The following DGKB variants were observed in gnomAD, a reference collection of about 807,000 sequenced individuals.
DGKB encodes 90 kDa diacylglycerol kinase.
In DGKB, 67 loss-of-function variants were observed where a neutral mutation model predicts 114.3. The ratio of observed to expected loss-of-function variants is 0.59; its 90% confidence interval spans 0.48 to 0.72. The LOEUF (loss-of-function observed/expected upper bound fraction) is 0.72. DGKB is among the 30% of genes least tolerant of loss of function. The pLI, the probability that DGKB is intolerant of heterozygous loss-of-function variation, is 0.00. For missense variants in DGKB, 907 were observed against 975.2 expected (o/e 0.93, Z 0.93); for synonymous variants, 398 against 323.1 (o/e 1.23, Z -2.49).
In DGKB at chr7:14,317,389, C is replaced by T. The variant is rs1482722328; in HGVS notation, c.2122+21126G>A. ...ATGATTGTATATCTAGAAAACCCCA[C>T]TGTCTCAGCCCAAAATCTCCTTAAG... On this transcript the variant is annotated intron_variant, in intron 23 of 25. Coordinates refer to ENST00000402815, the MANE Select transcript of DGKB (RefSeq NM_001350709.2). Among the ~76,000 whole-genome samples, 459 of 142,688 alleles carry T rather than the reference C, an allele frequency of 3.2e-3. 4 individuals are homozygous for T. Among genetic ancestry groups the T allele is most frequent in the Non-Finnish European group, 1.9e-3 (122 of 64,970 alleles). The allele number at this position is 142,688 out of a possible 152,430, so 93.6% of individuals were successfully genotyped here.
chr7:14,846,635 C>T (rs1005887447), intron 1 of DGKB, among the ~76,000 whole-genome samples: 6 of 152,178 alleles, frequency 3.9e-5, no homozygotes, highest in Admixed American at 2.0e-4. Flanking sequence ...AGAAGTCTTT[C>T]TTTAGGCACA....
chr7:14,544,747 T>C (rs749430568), intron 20 of DGKB, among the ~76,000 whole-genome samples: 2 of 152,170 alleles, frequency 1.3e-5, no homozygotes, highest in African/African-American at 2.4e-5. Flanking sequence ...ACTTGACATG[T>C]TGTTTTTTGA....
At chr7:14,305,139 T>C (rs896750414) in intron 23 of DGKB, among the ~76,000 whole-genome samples, 1 of 152,154 alleles carries the variant, frequency 6.6e-6, no homozygotes. Flanking sequence ...TGGGGAACAT[T>C]AAAAATCTTC....
chr7:14,549,926 T>C (rs1254017736), intron 20 of DGKB, among the ~76,000 whole-genome samples: 2 of 151,844 alleles, frequency 1.3e-5, no homozygotes, highest in East Asian at 1.9e-4. Flanking sequence ...GAGGTGGAGG[T>C]TGCAGTGAGC....
At chr7:14,312,062 G>A (rs1562903499) in intron 23 of DGKB, among the ~76,000 whole-genome samples, 1 of 151,998 alleles carries the variant, frequency 6.6e-6, no homozygotes, top group East Asian at 1.9e-4. Context: ...GAGATATAAA[G>A]CCATCAAAAT....
intron 1 of DGKB, among the ~76,000 whole-genome samples, chr7:14,884,875 G>A (rs542454567): frequency 2.0e-5 from 3 of 151,936 alleles, no homozygotes; most frequent in Non-Finnish European, 4.4e-5. Context: ...AGATATCTCT[G>A]AGTGAAACAA....
At chr7:14,473,281 G>C (rs1022526581) in intron 21 of DGKB, among the ~76,000 whole-genome samples, 2 of 152,150 alleles carry the variant, frequency 1.3e-5, no homozygotes, top group Non-Finnish European at 2.9e-5. Context: ...GGCCAACATA[G>C]AGCTCAAACC....
At chr7:14,434,884 ATGGTTGATCGT>A (rs771136631) in intron 21 of DGKB, among the ~76,000 whole-genome samples, 7 of 152,136 alleles carry the variant, frequency 4.6e-5, no homozygotes, top group Non-Finnish European at 1.0e-4. Flanking sequence ...GCATATACCA[ATGGTTGATCGT>A]ATGTTTACAA....
chr7:14,697,420 TG>T (rs1824147410), intron 8 of DGKB, among the ~76,000 whole-genome samples: 4 of 152,140 alleles, frequency 2.6e-5, no homozygotes. Context: ...TTTTATGGCA[TG>T]GCATGGCCTT....
chr7:14,149,435 A>G (rs973459246), intron 25 of DGKB, among the ~76,000 whole-genome samples, 197 bp from the exon 26 acceptor site: 17 of 152,172 alleles, frequency 1.1e-4, no homozygotes, highest in Non-Finnish European at 2.5e-4. Flanking sequence ...TACTTAAATA[A>G]TATCCCAGTG....
intron 17 of DGKB, among the ~76,000 whole-genome samples, chr7:14,596,035 T>C (rs1421420952): frequency 2.0e-5 from 3 of 152,154 alleles, no homozygotes. Flanking sequence ...TTAACCATTG[T>C]TACGTTAATA....
At chr7:14,583,220 G>A (rs961007554) in intron 17 of DGKB, 83 bp from the exon 18 acceptor site, 78 of 722,910 alleles carry the variant, frequency 1.1e-4, no homozygotes, top group Admixed American at 6.1e-4. Context: ...CATTTTACCC[G>A]ATGAAATACG....
chr7:14,160,473 C>T (rs918751552), intron 25 of DGKB, among the ~76,000 whole-genome samples: 5 of 152,132 alleles, frequency 3.3e-5, no homozygotes, highest in African/African-American at 9.7e-5. Context: ...CATTCCTATA[C>T]ACCAATAACA....
At chr7:14,510,116 A>T (rs189222696) in intron 20 of DGKB, among the ~76,000 whole-genome samples, 115 of 152,278 alleles carry the variant, frequency 7.6e-4, no homozygotes, top group Non-Finnish European at 1.4e-3. Context: ...CTGTTGACCA[A>T]TCAGGGTGGT....
At chr7:14,868,484 G>A (rs1290562456) in intron 1 of DGKB, among the ~76,000 whole-genome samples, 5 of 151,892 alleles carry the variant, frequency 3.3e-5, no homozygotes, top group Admixed American at 6.6e-5. Context: ...ACAGGCGTGT[G>A]CCACAATGCC....
At chr7:14,682,503 C>T (rs766469457) in intron 12 of DGKB, 50 bp downstream of exon 12, 16 of 1,234,986 alleles carry the variant, frequency 1.3e-5, no homozygotes, top group South Asian at 5.0e-5. Context: ...ATGATATACA[C>T]GTCTTCAGTG....
In DGKB at chr7:14,537,409, G is replaced by A. The variant is rs555422825; in HGVS notation, c.1770+36803C>T. Among the ~76,000 whole-genome samples, 317 of 152,134 alleles carry A rather than the reference G, an allele frequency of 2.1e-3. 1 individual carries two copies. Among genetic ancestry groups the A allele is most frequent in the Non-Finnish European group, 3.7e-3 (251 of 67,992 alleles). On this transcript the variant is annotated intron_variant, in intron 20 of 25. Coordinates refer to ENST00000402815, the MANE Select transcript of DGKB (RefSeq NM_001350709.2). ...GAATCACACTTCCTACAGTAATCACGATAGTCTAGTACTGACATAAAGACA... is the reference window on the plus strand; with the variant it reads ...GAATCACACTTCCTACAGTAATCACAATAGTCTAGTACTGACATAAAGACA...
intron 5 of DGKB, among the ~76,000 whole-genome samples, chr7:14,729,906 T>C (rs1830667468): frequency 6.6e-6 from 1 of 152,226 alleles, no homozygotes; most frequent in Admixed American, 6.5e-5. Flanking sequence ...ATGAATAAAA[T>C]AAATTACTAA....
At chr7:14,255,845 A>G (rs1489682111) in intron 23 of DGKB, among the ~76,000 whole-genome samples, 1 of 151,990 alleles carries the variant, frequency 6.6e-6, no homozygotes, top group Non-Finnish European at 1.5e-5. Context: ...GTAAACTGCA[A>G]TCAGGCTTTG....
Sources: allele counts gnomAD v4.1 joint callset (sites outside exome capture counted in the v4.1 genomes callset), GRCh38; gene constraint gnomAD v4.1.1; transcripts MANE v1.5; gene names NCBI Gene and HGNC (gene_info 2026-07-23, HGNC 2026-07-21).